Variants in FAN1 observed in about 807,000 individuals in gnomAD.
FAN1 encodes the protein fanconi-associated nuclease 1.
A neutral mutation model predicts 104.9 loss-of-function variants in FAN1; 91 were observed. That is an observed-to-expected ratio of 0.87 (90% CI 0.73 to 1.03). FAN1 has a LOEUF of 1.03. FAN1 is among the 50% of genes least tolerant of loss of function. The probability of loss-of-function intolerance (pLI) is 0.00; values close to 1 mark genes in which losing one functional copy is unlikely to be tolerated. For synonymous variants in FAN1, 478 were observed against 457.6 expected (o/e 1.04, Z -0.57); for missense variants, 1,263 against 1,239.9 (o/e 1.02, Z -0.28).
rs1328354415 is a variant in FAN1 at position 30,940,285 on chromosome 15, T to TGAG, written c.*4-1281_*4-1280insGAG. On this transcript the variant is annotated intron_variant, in intron 14 of 14. Transcript: ENST00000362065. ...CACACAGTTTGGAAATACTTTACTTTAGAGAGATTCAGATCAAGCAAACAA... is the reference window on the plus strand; with the variant it reads ...CACACAGTTTGGAAATACTTTACTTTGAGAGAGAGATTCAGATCAAGCAAACAA... 2.6e-5 allele frequency: 25 copies of TGAG among 960,948 alleles called. No homozygotes were observed. In the African/African-American group the frequency reaches 4.5e-4, roughly 17 times the overall value. The allele number at this position is 960,948 out of a possible 1,614,324, so 59.5% of individuals were successfully genotyped here. A position where few individuals can be genotyped will look rare whatever the true frequency, so the allele number is the denominator to read the frequency against.
chr15:30,908,154 G>GTAAAT lies in FAN1; in HGVS notation c.1275_1279dup (p.Ser427AsnfsTer2), dbSNP rs755654276. The GTAAAT allele has an allele frequency of 1.1e-5, 18 of 1,610,068 alleles. No individual in the cohort carries two copies. The highest frequency in any genetic ancestry group is 1.5e-5 in the Non-Finnish European group (18 of 1,178,468). On this transcript the variant is annotated frameshift_variant, in exon 3 of 15. Coordinates refer to ENST00000362065, the MANE Select transcript of FAN1 (RefSeq NM_014967.5). LOFTEE classifies it high-confidence loss of function. ...AAGTTATATGTAAGGCTCTTTCAAC[G>GTAAAT]TAAATTAAGCTGGATTAAGATGACC...
chr15:30,940,686 C>T (rs761814875), intron 14 of FAN1: 13 of 987,304 alleles, frequency 1.3e-5, no homozygotes, highest in Admixed American at 6.1e-5. Context: ...TTCAGAGGAA[C>T]AAGACTCTGG....
At chr15:30,910,585 A>T (rs2062076768) in intron 3 of FAN1, 29 bp from the exon 4 acceptor site, 1 of 1,469,732 alleles carries the variant, frequency 6.8e-7, no homozygotes, top group Non-Finnish European at 9.2e-7. Flanking sequence ...AGTAAAATTT[A>T]AAAAAACTTT....
chr15:30,938,398 A>G (rs1387721094), intron 14 of FAN1, among the ~76,000 whole-genome samples: 1 of 152,210 alleles, frequency 6.6e-6, no homozygotes, highest in African/African-American at 2.4e-5. Context: ...GATTTATAAC[A>G]TGTAAATGCT....
intron 14 of FAN1, among the ~76,000 whole-genome samples, chr15:30,937,808 T>G (rs895101475): frequency 6.6e-6 from 1 of 152,032 alleles, no homozygotes; most frequent in African/African-American, 2.4e-5. Flanking sequence ...TTATTGGAGC[T>G]GGATGCATCT....
Position 30,905,067 on chromosome 15 carries a change from T to C in FAN1, c.404T>C (p.Val135Ala), listed in dbSNP as rs763964113. The change falls in exon 2 of 15, where the codon GTG becomes GCG. Residue 135 changes from valine (V) to alanine (A), a missense_variant. By Grantham distance (64) the Val-to-Ala change is moderately conservative. Around this residue, in one of 2 missense-constraint regions of FAN1, gnomAD observed 682 missense variants for 571.1 expected, o/e 1.19. Transcript: ENST00000362065. The part of the protein sequence containing the change: ...ISPYFKSNDV[V>A]CKNQDELRNR... ...CCCTACTTTAAAAGTAATGATGTGG[T>C]GTGCAAAAATCAAGATGAGCTGAGA... is the stretch of plus-strand genomic sequence containing the variant. 21 of 1,613,928 alleles carry C rather than the reference T, an allele frequency of 1.3e-5. No homozygotes were observed. The South Asian group carries it at 1.3e-4, about 10-fold the overall frequency.
chr15:30,920,717 C>A, intron 7 of FAN1, 64 bp downstream of exon 7: 1 of 918,644 alleles, frequency 1.1e-6, no homozygotes, highest in Non-Finnish European at 1.7e-6. Context: ...TGTGAAGGGA[C>A]AGCTGTCGGG....
Position 30,929,249 on chromosome 15 carries a change from G to A in FAN1, c.2639G>A (p.Arg880His), listed in dbSNP as rs1413086602. The A allele has an allele frequency of 3.1e-6, 5 of 1,613,376 alleles. No homozygotes were observed. Among genetic ancestry groups the A allele is most frequent in the South Asian group, 2.2e-5 (2 of 90,994 alleles). ...ACAGACAGCTTCTTCACAAGCAGACGCCCAGCCCTTGAGGCCAGGCTGCAG... is the reference window on the plus strand; with the variant it reads ...ACAGACAGCTTCTTCACAAGCAGACACCCAGCCCTTGAGGCCAGGCTGCAG... ...LCTDSFFTSR[R>H]PALEARLQLI... The change falls in exon 12 of 15, where the codon CGC (arginine) becomes CAC (histidine). Residue 880 changes from arginine to histidine, a missense_variant. This residue lies in a region of FAN1 where 581 missense variants were observed against 668.8 expected (regional missense o/e 0.87). Transcript: ENST00000362065.
intron 5 of FAN1, among the ~76,000 whole-genome samples, chr15:30,914,558 G>A (rs947894260): frequency 1.3e-5 from 2 of 152,056 alleles, no homozygotes; most frequent in Non-Finnish European, 2.9e-5. Flanking sequence ...GTAGAGATGG[G>A]GTTTCACCAT....
chr15:30,926,017 G>A (rs372398532), intron 10 of FAN1, 78 bp downstream of exon 10: 17 of 1,428,754 alleles, frequency 1.2e-5, no homozygotes, highest in East Asian at 1.1e-4. Context: ...GTCAGCAGTG[G>A]GCTGCTGTCC....
intron 14 of FAN1, chr15:30,938,815 T>A (rs1258498854): frequency 4.4e-5 from 32 of 722,002 alleles, no homozygotes; most frequent in Non-Finnish European, 5.3e-5. Flanking sequence ...TACTGATCAC[T>A]ACCTGGCTTT....
chr15:30,911,653 C>A, intron 4 of FAN1: 1 of 910,976 alleles, frequency 1.1e-6, no homozygotes, highest in Non-Finnish European at 1.3e-6. Flanking sequence ...AGTATAGAAT[C>A]CTCATCTGTG....
chr15:30,905,473 T>C lies in FAN1; in HGVS notation c.810T>C (p.Thr270=). ...TCATGTTATTCTCACCAGATTTCACTCTTAGGAATACATTAAAGTCTACTT... is the reference window on the plus strand; with the variant it reads ...TCATGTTATTCTCACCAGATTTCACCCTTAGGAATACATTAAAGTCTACTT... ...NAIMLFSPDF[T]LRNTLKSTSE... Residue 270 remains threonine (T), a synonymous_variant, in exon 2 of 15, where the codon ACT becomes ACC. Coordinates refer to ENST00000362065, the MANE Select transcript of FAN1 (RefSeq NM_014967.5). 6.2e-7 allele frequency: 1 copy of C among 1,614,038 alleles called. No individual in the cohort carries two copies.
chr15:30,923,685 C>T (rs1009096865), intron 8 of FAN1, among the ~76,000 whole-genome samples: 5 of 152,318 alleles, frequency 3.3e-5, no homozygotes, highest in Non-Finnish European at 5.9e-5. Context: ...TGCCGCTGCC[C>T]GGCACCGTCT....
At position 30,922,461 on chromosome 15, in the gene FAN1, T is replaced by G. The variant is rs949962589; in HGVS notation, c.2172+107T>G. On this transcript the variant is annotated intron_variant, in intron 8 of 14. Coordinates refer to ENST00000362065, the MANE Select transcript of FAN1 (RefSeq NM_014967.5). ...ATTTACATGTAATTAGAACATGTAT[T>G]TCTTTTGTTAACATTCTTCTTTTGT... 6 of 1,142,804 alleles carry G rather than the reference T, an allele frequency of 5.3e-6. No individual in the cohort carries two copies. The African/African-American group carries it at 6.2e-5, about 12-fold the overall frequency. The allele number at this position is 1,142,804 out of a possible 1,614,324, so 70.8% of individuals were successfully genotyped here.
Position 30,942,660 on chromosome 15 carries a change from G to A in FAN1, c.*1098G>A, listed in dbSNP as rs552624525. ...GGGGCTTTAGTAAATCAGGCTTGCA[G>A]GCTCAAAGCTGCAATCTGCCCACTC... On this transcript the variant is annotated 3_prime_UTR_variant, in exon 15 of 15. Coordinates refer to ENST00000362065, the MANE Select transcript of FAN1 (RefSeq NM_014967.5). 3 of 489,340 alleles carry A rather than the reference G, an allele frequency of 6.1e-6. No individual in the cohort carries two copies. The highest frequency in any genetic ancestry group is 3.9e-5 in the African/African-American group (2 of 50,710). The allele number at this position is 489,340 out of a possible 1,614,324, so 30.3% of individuals were successfully genotyped here.
chr15:30,914,235 C>A, intron 5 of FAN1, 144 bp downstream of exon 5: 2 of 628,316 alleles, frequency 3.2e-6, no homozygotes, highest in Non-Finnish European at 5.5e-6. Context: ...CACTTGTATA[C>A]ATTTCTATGA....
chr15:30,914,152 TTTG>T (rs2062154393), intron 5 of FAN1, 61 bp downstream of exon 5: 2 of 1,269,062 alleles, frequency 1.6e-6, no homozygotes, highest in Non-Finnish European at 2.2e-6. Context: ...AGTAAAAGGT[TTTG>T]TTATTTTTTT....
At chr15:30,937,058 A>T in intron 13 of FAN1, 61 bp from the exon 14 acceptor site, 2 of 1,425,604 alleles carry the variant, frequency 1.4e-6, no homozygotes, top group Non-Finnish European at 1.9e-6. Context: ...ACTACAACTT[A>T]CTTGAATGGC....
Sources: allele counts gnomAD v4.1 joint callset (sites outside exome capture counted in the v4.1 genomes callset), GRCh38; gene constraint gnomAD v4.1.1; regional missense constraint gnomAD v4.1.1; transcripts MANE v1.5; gene names NCBI Gene and HGNC (gene_info 2026-07-23, HGNC 2026-07-21).